The following MTERF4 variants were observed in gnomAD, a reference collection of about 807,000 sequenced individuals.
The protein encoded by MTERF4 is mitochondrial transcription termination factor 4.
A neutral mutation model predicts 22.5 loss-of-function variants in MTERF4; 17 were observed. That is an observed-to-expected ratio of 0.75 (90% CI 0.52 to 1.13). The LOEUF (loss-of-function observed/expected upper bound fraction) is 1.13. MTERF4 is among the 50% of genes most tolerant of loss of function. The pLI is 0.00. For missense variants in MTERF4, 420 were observed against 466.8 expected, an observed-to-expected ratio of 0.90 and a Z score of 0.92; for synonymous variants, 165 against 175.3, an observed-to-expected ratio of 0.94 and a Z score of 0.47.
chr2:241,065,232 G>A, the MTERF4 span: 8 of 1,547,518 alleles, frequency 5.2e-6, no homozygotes, highest in South Asian at 1.2e-5. Flanking sequence ...AGCCGCCGAC[G>A]GGAGCCAGGC....
chr2:241,048,137 G>A, the MTERF4 span, among the ~76,000 whole-genome samples: 41,498 of 151,846 alleles, frequency 0.27, 6,011 homozygotes, highest in Middle Eastern at 0.35. Context: ...GGGAGATGCT[G>A]AGCTCCATGG....
downstream of MTERF4, chr2:241,088,435 A>G: frequency 6.3e-7 from 1 of 1,582,058 alleles, no homozygotes; most frequent in Non-Finnish European, 8.7e-7. Context: ...CCACTACCAC[A>G]GAGCTGCTGG....
chr2:241,090,010 C>T (rs1011084560), downstream of MTERF4: 9 of 1,548,900 alleles, frequency 5.8e-6, no homozygotes, highest in South Asian at 3.6e-5. Flanking sequence ...AGCTGGAATG[C>T]GCAGGACTGG....
downstream of MTERF4, chr2:241,068,076 G>A (rs2062540207): frequency 4.5e-6 from 4 of 883,248 alleles, no homozygotes; most frequent in South Asian, 7.2e-5. The surrounding 1 kb of genome is among the most constrained non-coding windows in gnomAD (Gnocchi z 5.3). Context: ...CACCTGAGCG[G>A]AGACAAAGGT....
downstream of MTERF4, chr2:241,072,009 C>T (rs533036058): frequency 1.2e-5 from 10 of 842,402 alleles, no homozygotes; most frequent in East Asian, 2.4e-4. Context: ...GTGACCCCCA[C>T]CCCGACTGTG....
At chr2:241,102,075 T>A in intron 1 of MTERF4, 178 bp downstream of exon 1, 1 of 768,808 alleles carries the variant, frequency 1.3e-6, no homozygotes, top group Non-Finnish European at 2.1e-6. Flanking sequence ...GTCAACTCTA[T>A]ATCCCACAAT....
At position 241,096,253 on chromosome 2, in the gene MTERF4, T is replaced by C; in HGVS notation, c.891A>G (p.Ser297=). ...CTGTCCTGGCCAAAAACTCAGCTTC[T>C]GAAACTCTGAGAATGTCCTTGAGCA... is the stretch of plus-strand genomic sequence containing the variant. ...NPLLKDILRV[S]EAEFLARTAC... is the part of the protein sequence containing the mutation. Residue 297 remains serine, a synonymous_variant, in exon 4 of 4, where the codon TCA becomes TCG. Coordinates refer to ENST00000391980, the MANE Select transcript of MTERF4 (RefSeq NM_182501.4). The surrounding 1 kb of genome is among the most constrained non-coding windows in gnomAD (Gnocchi z 5.1). The C allele has an allele frequency of 1.2e-6, 2 of 1,614,234 alleles. No individual in the cohort carries two copies.
At chr2:241,076,686 T>C (rs1260680672) in intron 4 of MTERF4, among the ~76,000 whole-genome samples, 2 of 151,794 alleles carry the variant, frequency 1.3e-5, no homozygotes, top group Admixed American at 6.6e-5. Flanking sequence ...GCCAACATGG[T>C]GAAACCTGTT....
the MTERF4 span, among the ~76,000 whole-genome samples, chr2:241,056,102 G>A: frequency 2.2e-4 from 33 of 150,790 alleles, no homozygotes; most frequent in African/African-American, 8.2e-4. Flanking sequence ...AGACCTTATG[G>A]ATCACCCAAG....
the MTERF4 span, among the ~76,000 whole-genome samples, chr2:241,048,038 C>A: frequency 2.6e-5 from 4 of 151,916 alleles, no homozygotes; most frequent in Non-Finnish European, 5.9e-5. Context: ...CTTGTTCTGT[C>A]CAATCCTGGG....
intron 4 of MTERF4, among the ~76,000 whole-genome samples, chr2:241,076,143 A>G (rs1178099154): frequency 6.6e-6 from 1 of 152,088 alleles, no homozygotes; most frequent in East Asian, 1.9e-4. Flanking sequence ...TTCCACATAT[A>G]CACCTTCAAA....
chr2:241,050,076 C>T, the MTERF4 span: 40 of 724,826 alleles, frequency 5.5e-5, 1 homozygote, highest in Middle Eastern at 4.6e-4. Flanking sequence ...CTGCTCTGTT[C>T]TGTGTATTTA....
chr2:241,059,862 A>G, the MTERF4 span, among the ~76,000 whole-genome samples: 1 of 152,250 alleles, frequency 6.6e-6, no homozygotes, highest in Non-Finnish European at 1.5e-5. Context: ...CAAGGTGTCC[A>G]TTCAGTACGT....
chr2:241,070,101 C>CCTGCTGCCGGGACGG, downstream of MTERF4: 1 of 1,613,024 alleles, frequency 6.2e-7, no homozygotes, highest in Non-Finnish European at 8.5e-7. Flanking sequence ...CGGTGCGCGA[C>CCTGCTGCCGGGACGG]CTGCTGCCGG....
chr2:241,069,771 C>G, downstream of MTERF4: 1 of 904,594 alleles, frequency 1.1e-6, no homozygotes, highest in Non-Finnish European at 1.6e-6. The surrounding 1 kb of genome is among the most constrained non-coding windows in gnomAD (Gnocchi z 4.9). Flanking sequence ...TGCCAGCCCA[C>G]ACCCCGCCTC....
At chr2:241,102,084 A>G in intron 1 of MTERF4, 169 bp downstream of exon 1, 1 of 845,390 alleles carries the variant, frequency 1.2e-6, no homozygotes, top group African/African-American at 1.7e-5. Flanking sequence ...ATATCCCACA[A>G]TAATTGAGCA....
the MTERF4 span, among the ~76,000 whole-genome samples, chr2:241,054,352 T>C: frequency 1.3e-5 from 2 of 152,136 alleles, no homozygotes; most frequent in African/African-American, 4.8e-5. Context: ...GAAGACAGAC[T>C]AACACAGGAG....
At chr2:241,065,208 G>A in the MTERF4 span, 2 of 1,368,768 alleles carry the variant, frequency 1.5e-6, no homozygotes, top group Admixed American at 4.0e-5. Flanking sequence ...AGGCCCAAGA[G>A]CCAGACCCGG....
chr2:241,081,801 G>A (rs2302045), intron 4 of MTERF4: 109,787 of 1,565,418 alleles, frequency 0.07, 4,629 homozygotes, highest in African/African-American at 0.18. Flanking sequence ...TCGGTAAGTC[G>A]GGGCTTGGCC....
Sources: gnomAD v4.1 joint callset for allele counts (sites outside exome capture counted in the v4.1 genomes callset) on GRCh38, gnomAD v4.1.1 for gene constraint, Gnocchi (gnomAD v3.1) non-coding constraint, MANE v1.5 for transcripts, NCBI Gene and HGNC (gene_info 2026-07-23, HGNC 2026-07-21) for gene names.